TCF25: variants seen among roughly 807,000 people sequenced by gnomAD.
The protein encoded by TCF25 is ribosome quality control complex subunit TCF25.
In TCF25, 41 loss-of-function variants were observed where a neutral mutation model predicts 83.1. That is an observed-to-expected ratio of 0.49 (90% CI 0.38 to 0.64). The LOEUF is 0.64. Among genes scored for constraint, TCF25 ranks in the 30% least tolerant of loss-of-function variants. The pLI is 0.00. For missense variants in TCF25, 979 were observed against 914.5 expected (o/e 1.07, Z -0.91); for synonymous variants, 458 against 365.0 (o/e 1.25, Z -2.90).
chr16:89,896,449 T>G (rs2043853836), intron 9 of TCF25, among the ~76,000 whole-genome samples: 1 of 151,952 alleles, frequency 6.6e-6, no homozygotes, highest in South Asian at 2.1e-4. Context: ...GGTTCACGCC[T>G]GTAATCCCAG....
chr16:89,893,407 C>A (rs368626536), intron 6 of TCF25, among the ~76,000 whole-genome samples: 198 of 152,350 alleles, frequency 1.3e-3, no homozygotes, highest in African/African-American at 4.6e-3. Flanking sequence ...GTGGTCAGAT[C>A]TGGCGATCTG....
chr16:89,902,685 T>A (rs1276072180), intron 12 of TCF25, among the ~76,000 whole-genome samples: 1 of 126,032 alleles, frequency 7.9e-6, no homozygotes, highest in Non-Finnish European at 1.8e-5. Context: ...CGAGACTCCG[T>A]CTCAAAAAAA....
intron 5 of TCF25, chr16:89,889,294 C>T (rs908712309): frequency 8.2e-6 from 3 of 365,524 alleles, no homozygotes; most frequent in Admixed American, 3.4e-5. Context: ...CCTCCCATCT[C>T]AGTCTCCCAA....
chr16:89,893,658 G>C (rs1352073957), intron 6 of TCF25, 70 bp from the exon 7 acceptor site: 1 of 1,609,164 alleles, frequency 6.2e-7, no homozygotes, highest in African/African-American at 1.3e-5. Context: ...CCACGAAGGT[G>C]AGGGCTGTGC....
At chr16:89,891,637 G>A (rs551990716) in intron 5 of TCF25, among the ~76,000 whole-genome samples, 2 of 152,370 alleles carry the variant, frequency 1.3e-5, no homozygotes, top group East Asian at 3.9e-4. Flanking sequence ...GGCAGGTGGG[G>A]CAGCATGGAA....
intron 16 of TCF25, among the ~76,000 whole-genome samples, chr16:89,908,218 C>T (rs1324889477): frequency 4.1e-5 from 6 of 145,136 alleles, no homozygotes; most frequent in East Asian, 4.3e-4. Flanking sequence ...CTTCCAACCC[C>T]GCCTCCCTCC....
At chr16:89,910,462 T>C in intron 16 of TCF25, 129 bp from the exon 17 acceptor site, 2 of 871,940 alleles carry the variant, frequency 2.3e-6, no homozygotes, top group Non-Finnish European at 3.7e-6. Flanking sequence ...CAGCTGCTGC[T>C]GCTCTGCCCC....
chr16:89,887,107 C>T (rs2043075065), intron 4 of TCF25, among the ~76,000 whole-genome samples: 1 of 151,914 alleles, frequency 6.6e-6, no homozygotes, highest in South Asian at 2.1e-4. Flanking sequence ...GATCATAGCC[C>T]ACTGCAGCCT....
intron 13 of TCF25, 125 bp downstream of exon 13, chr16:89,904,330 G>A (rs1413393387): frequency 2.8e-6 from 3 of 1,079,720 alleles, no homozygotes; most frequent in East Asian, 5.2e-5. Flanking sequence ...TGTGGTGGCG[G>A]CCTCGGGGAC....
chr16:89,906,607 G>A (rs893353803), intron 15 of TCF25, among the ~76,000 whole-genome samples: 3 of 152,234 alleles, frequency 2.0e-5, no homozygotes, highest in Admixed American at 6.5e-5. Flanking sequence ...GTGTAGTCCT[G>A]CTCTGACGCC....
intron 5 of TCF25, among the ~76,000 whole-genome samples, chr16:89,888,786 G>T (rs1378849577): frequency 4.1e-5 from 6 of 146,226 alleles, no homozygotes; most frequent in Non-Finnish European, 7.4e-5. Flanking sequence ...AGGCAATTCT[G>T]CCTCAGCCTC....
intron 13 of TCF25, chr16:89,904,604 C>G: frequency 2.0e-6 from 1 of 498,398 alleles, no homozygotes; most frequent in South Asian, 2.0e-5. Flanking sequence ...AAAGAGGGAG[C>G]AAACACAGGA....
intron 7 of TCF25, among the ~76,000 whole-genome samples, chr16:89,894,612 G>A (rs1040656208): frequency 6.6e-6 from 1 of 152,192 alleles, no homozygotes; most frequent in African/African-American, 2.4e-5. Context: ...ATAATAACTA[G>A]CCTATTTTGA....
In TCF25 at chr16:89,884,406, C is replaced by T. The variant is rs146440793; in HGVS notation, c.355-176C>T. Among the ~76,000 whole-genome samples the T allele has an allele frequency of 1.9e-3, 294 of 152,062 alleles. 2 individuals are homozygous for T. The Middle Eastern group carries it at 0.024, about 12-fold the overall frequency. On this transcript the variant is annotated intron_variant, in intron 2 of 17. Coordinates refer to ENST00000263346, the MANE Select transcript of TCF25 (RefSeq NM_014972.3). ...CTGCTGTAGCACAGCCCGAGGGGCT[C>T]GGAGAGGTGGGAAGGTGCCTGCTGG...
intron 1 of TCF25, among the ~76,000 whole-genome samples, chr16:89,876,541 G>T (rs2143900540): frequency 6.6e-6 from 1 of 152,270 alleles, no homozygotes; most frequent in African/African-American, 2.4e-5. Flanking sequence ...TGGAATTGCA[G>T]CTCCCAGTAC....
chr16:89,911,320 A>G lies in TCF25; in HGVS notation c.*82A>G. 1.9e-6 allele frequency: 3 copies of G among 1,565,502 alleles called. No homozygotes were observed. The highest frequency in any genetic ancestry group is 2.6e-6 in the Non-Finnish European group (3 of 1,147,194). On this transcript the variant is annotated 3_prime_UTR_variant, in exon 18 of 18. Transcript: ENST00000263346. ...TCGGAGTCGGCCAGTTGCCTGAAGT[A>G]GGGAAGCTGAGTGTGTCGCTCCCTG...
In TCF25 at chr16:89,884,661, G is replaced by T. The variant is rs868721557; in HGVS notation, c.429+5G>T. ...AGCAGCACGGGAGAAGCATCGGTAC[G>T]TGAGTTGGGCCTGGCTGTGCTCTGT... On this transcript the variant is annotated splice_donor_5th_base_variant and intron_variant, in intron 3 of 17. Coordinates refer to ENST00000263346, the MANE Select transcript of TCF25 (RefSeq NM_014972.3). The T allele has an allele frequency of 6.2e-7, 1 of 1,611,036 alleles. No individual in the cohort carries two copies. Among genetic ancestry groups the T allele is most frequent in the Non-Finnish European group, 8.5e-7 (1 of 1,178,290 alleles).
intron 5 of TCF25, among the ~76,000 whole-genome samples, chr16:89,891,739 C>G: frequency 6.6e-6 from 1 of 152,162 alleles, no homozygotes; most frequent in East Asian, 1.9e-4. Flanking sequence ...TCTTTCTTTT[C>G]GTTTTCTTTT....
At chr16:89,885,223 G>A (rs1429203782) in intron 3 of TCF25, among the ~76,000 whole-genome samples, 1 of 152,158 alleles carries the variant, frequency 6.6e-6, no homozygotes, top group Non-Finnish European at 1.5e-5. Context: ...AAGAGATCAG[G>A]GAAAAAGAAA....
Sources: allele counts gnomAD v4.1 joint callset (sites outside exome capture counted in the v4.1 genomes callset), GRCh38; gene constraint gnomAD v4.1.1; transcripts MANE v1.5; gene names NCBI Gene and HGNC (gene_info 2026-07-23, HGNC 2026-07-21).